Variants in RYR3 observed in about 807,000 individuals in gnomAD.
RYR3 encodes brain ryanodine receptor-calcium release channel.
In RYR3, 207 loss-of-function variants were observed where a neutral mutation model predicts 584.3. That is an observed-to-expected ratio of 0.35 (90% CI 0.32 to 0.40). The LOEUF is 0.40. Among genes scored for constraint, RYR3 ranks in the 10% least tolerant of loss-of-function variants. The probability of loss-of-function intolerance (pLI) is 1.00; values close to 1 mark genes in which losing one functional copy is unlikely to be tolerated. For synonymous variants in RYR3, 2,416 were observed against 2,248.5 expected (o/e 1.07, Z -2.11); for missense variants, 5,616 against 6,089.2 (o/e 0.92, Z 2.59).
chr15:33,740,494 T>C (rs754067917), intron 51 of RYR3, among the ~76,000 whole-genome samples: 2 of 152,210 alleles, frequency 1.3e-5, no homozygotes, highest in African/African-American at 4.8e-5. Context: ...CGAGGGATGC[T>C]GGAGCTTCAG....
intron 74 of RYR3, among the ~76,000 whole-genome samples, 198 bp from the exon 75 acceptor site, chr15:33,816,664 C>G (rs1024692079): frequency 2.0e-5 from 3 of 152,122 alleles, no homozygotes; most frequent in Admixed American, 1.3e-4. Flanking sequence ...AGAAGGTGCT[C>G]TAATATTCAA....
intron 57 of RYR3, among the ~76,000 whole-genome samples, chr15:33,751,602 T>G (rs2071319709): frequency 6.6e-6 from 1 of 152,038 alleles, no homozygotes; most frequent in Non-Finnish European, 1.5e-5. Context: ...TCTTGTAAAT[T>G]TAAGTTCCTT....
At chr15:33,671,629 G>A (rs1177911030) in intron 38 of RYR3, among the ~76,000 whole-genome samples, 1 of 151,948 alleles carries the variant, frequency 6.6e-6, no homozygotes, top group Non-Finnish European at 1.5e-5. Context: ...GGAAAGGGCG[G>A]GTCTTTTGTG....
intron 1 of RYR3, among the ~76,000 whole-genome samples, chr15:33,410,132 A>G (rs1315068621): frequency 6.6e-6 from 1 of 152,208 alleles, no homozygotes; most frequent in Non-Finnish European, 1.5e-5. Flanking sequence ...GTGATAAATG[A>G]TAGTGGGAAG....
At chr15:33,544,515 G>A (rs1365656864) in intron 8 of RYR3, among the ~76,000 whole-genome samples, 1 of 152,122 alleles carries the variant, frequency 6.6e-6, no homozygotes, top group East Asian at 1.9e-4. Flanking sequence ...ACATCTTGGA[G>A]AATATGTAGG....
At position 33,801,886 on chromosome 15, in the gene RYR3, G is replaced by A. The variant is rs754872142; in HGVS notation, c.9936G>A (p.Glu3312=). The A allele has an allele frequency of 6.4e-6, 10 of 1,566,582 alleles. No individual in the cohort carries two copies. The highest frequency in any genetic ancestry group is 8.7e-6 in the Non-Finnish European group (10 of 1,150,236). Reference sequence around the variant, plus strand: ...CCACTTAGAACTTCAAGAGAGAAGAGCAAAATTTTGTGATTCAGAATGAAA... The same window carrying A: ...CCACTTAGAACTTCAAGAGAGAAGAACAAAATTTTGTGATTCAGAATGAAA... The part of the protein sequence containing the change: ...WCKSHNFKRE[E]QNFVIQNEIN... The change falls in exon 69 of 104, where the codon GAG becomes GAA. Residue 3312 remains glutamate, a synonymous_variant. Transcript: ENST00000634891.
intron 18 of RYR3, among the ~76,000 whole-genome samples, chr15:33,606,676 G>C (rs948322930): frequency 6.6e-6 from 1 of 152,044 alleles, no homozygotes; most frequent in African/African-American, 2.4e-5. Context: ...GCTCTTTTTC[G>C]TGATGGTCTC....
At chr15:33,527,058 T>A (rs1442159938) in intron 3 of RYR3, among the ~76,000 whole-genome samples, 1 of 151,942 alleles carries the variant, frequency 6.6e-6, no homozygotes, top group East Asian at 1.9e-4. Context: ...ACCAGTATGA[T>A]TGGAGCAGAG....
chr15:33,713,974 G>A (rs78252246), intron 43 of RYR3, among the ~76,000 whole-genome samples: 3 of 152,082 alleles, frequency 2.0e-5, no homozygotes, highest in Non-Finnish European at 4.4e-5. Context: ...TTTGGAGGGT[G>A]GGGGGGACAC....
intron 1 of RYR3, among the ~76,000 whole-genome samples, chr15:33,325,725 TCTTCCTTCCTTCCTTCCTTCCTTCCTTC>T (rs67855881): frequency 2.4e-4 from 22 of 91,492 alleles, no homozygotes; most frequent in African/African-American, 6.7e-4. Flanking sequence ...CCCCTCCCCC[TCTTCCTTCCTTCCTTCCTTCCTTCCTTC>T]CTTCCTTCCT....
intron 51 of RYR3, 145 bp from the exon 52 acceptor site, chr15:33,742,221 G>C: frequency 1.5e-6 from 1 of 649,308 alleles, no homozygotes; most frequent in Non-Finnish European, 2.8e-6. Context: ...ATGTCACTGC[G>C]CCTGGAGTCC....
In RYR3 at chr15:33,837,851, A is replaced by G; in HGVS notation, c.11871A>G (p.Ser3957=). The G allele has an allele frequency of 6.2e-7, 1 of 1,614,052 alleles. No individual in the cohort carries two copies. The change falls in exon 89 of 104, where the codon TCA becomes TCG. Residue 3957 remains serine, a synonymous_variant. Coordinates refer to ENST00000634891, the MANE Select transcript of RYR3 (RefSeq NM_001036.6). ...AAGGGCAAAAACAGTACACGCAGTCAGAGATTGACTTTCTCCTGTCGTGTG... is the reference window on the plus strand; with the variant it reads ...AAGGGCAAAAACAGTACACGCAGTCGGAGATTGACTTTCTCCTGTCGTGTG... The part of the protein sequence containing the change: ...AMEGQKQYTQ[S]EIDFLLSCAE...
chr15:33,521,996 G>T (rs918592380), intron 3 of RYR3, among the ~76,000 whole-genome samples: 2 of 150,978 alleles, frequency 1.3e-5, no homozygotes, highest in Non-Finnish European at 2.9e-5. Flanking sequence ...GCTCATGCCT[G>T]TAATCCCAGC....
chr15:33,701,503 G>A (rs1303082115), intron 42 of RYR3, among the ~76,000 whole-genome samples: 3 of 152,194 alleles, frequency 2.0e-5, no homozygotes, highest in Admixed American at 6.5e-5. Context: ...TGCTGGGAGT[G>A]TGGATGAAGC....
At chr15:33,533,877 A>G (rs1188134298) in intron 5 of RYR3, among the ~76,000 whole-genome samples, 2 of 145,392 alleles carry the variant, frequency 1.4e-5, no homozygotes, top group Admixed American at 7.5e-5. Context: ...ATCCTTTATA[A>G]TATCATTTAC....
At chr15:33,827,086 T>C (rs919549003) in intron 84 of RYR3, 113 bp from the exon 85 acceptor site, 2 of 900,646 alleles carry the variant, frequency 2.2e-6, no homozygotes, top group African/African-American at 1.6e-5. Flanking sequence ...CCAAACATGG[T>C]ATTCTTGTAA....
intron 1 of RYR3, among the ~76,000 whole-genome samples, chr15:33,323,336 C>G (rs1043724815): frequency 3.9e-5 from 6 of 152,110 alleles, no homozygotes; most frequent in African/African-American, 1.2e-4. Flanking sequence ...TCTCGATCTC[C>G]TGACCTCATG....
At chr15:33,857,251 CACCA>C (rs61351846) in intron 98 of RYR3, among the ~76,000 whole-genome samples, 149,241 of 151,992 alleles carry the variant, frequency 0.98, 73,331 homozygotes, top group Middle Eastern at 1. Context: ...GTGCTGGCAG[CACCA>C]GCACCTGGTC....
intron 3 of RYR3, among the ~76,000 whole-genome samples, chr15:33,525,644 A>G (rs2054330867): frequency 6.6e-6 from 1 of 152,230 alleles, no homozygotes; most frequent in South Asian, 2.1e-4. Context: ...AAAATTTAAC[A>G]TTTTGTGGAA....
Sources: allele counts gnomAD v4.1 joint callset (sites outside exome capture counted in the v4.1 genomes callset), GRCh38; gene constraint gnomAD v4.1.1; transcripts MANE v1.5; gene names NCBI Gene and HGNC (gene_info 2026-07-23, HGNC 2026-07-21).